Variants in POLG observed in about 807,000 individuals in gnomAD.
POLG encodes the protein DNA polymerase subunit gamma-1.
POLG carries 110 observed loss-of-function variants against 155.4 expected under a neutral mutation model. The ratio of observed to expected loss-of-function variants is 0.71; its 90% CI spans 0.61 to 0.83. POLG has a LOEUF of 0.83. Ranked by LOEUF, POLG falls within the 40% of genes least tolerant of loss-of-function variation. The pLI, the probability that POLG is intolerant of heterozygous loss-of-function variation, is 0.00. For missense variants in POLG, 1,685 were observed against 1,627.5 expected, an observed-to-expected ratio of 1.04 and a Z score of -0.61; for synonymous variants, 701 against 631.5, an observed-to-expected ratio of 1.11 and a Z score of -1.65.
intron 2 of POLG, among the ~76,000 whole-genome samples, chr15:89,332,605 CAGGGGGGCGGGGGG>C (rs2055608014): frequency 2.8e-4 from 1 of 3,560 alleles, no homozygotes; most frequent in Non-Finnish European, 5.8e-4. Flanking sequence ...CCGGCGGGGG[CAGGGGGGCGGGGGG>C]GTGTTGGTCT....
intron 3 of POLG, 59 bp downstream of exon 3, chr15:89,330,020 TGA>T (rs2055573474): frequency 7.3e-7 from 1 of 1,372,874 alleles, no homozygotes; most frequent in Admixed American, 1.7e-5. Context: ...CCCTAACCAC[TGA>T]GATTAGGGCT....
chr15:89,327,412 T>C, intron 6 of POLG, 63 bp from the exon 7 acceptor site: 1 of 1,510,270 alleles, frequency 6.6e-7, no homozygotes, highest in Non-Finnish European at 9.1e-7. Context: ...GCCCAATCCC[T>C]GAGCTGGTTT....
chr15:89,319,319 C>T lies in POLG; in HGVS notation c.3013G>A (p.Val1005Met). ...TCCACTGGGAGGTTCAACTCCCTCA[C>T]CAGCCACTCGCCCTCATCCGACAGC... ...YRLSDEGEWL[V>M]RELNLPVDRT... Residue 1005 changes from valine to methionine, a missense_variant, in exon 19 of 23, where the codon GTG becomes ATG. Physicochemically the swap from Val to Met is conservative, Grantham distance 21 (BLOSUM62 1). This residue lies in a region of POLG where 470 missense variants were observed against 439.9 expected (regional missense o/e 1.07). Coordinates refer to ENST00000268124, the MANE Select transcript of POLG (RefSeq NM_002693.3). 6.2e-7 allele frequency: 1 copy of T among 1,614,186 alleles called. No homozygotes were observed. The highest frequency in any genetic ancestry group is 8.5e-7 in the Non-Finnish European group (1 of 1,180,018).
At position 89,322,749 on chromosome 15, in the gene POLG, G is replaced by T; in HGVS notation, c.2419C>A (p.Arg807Ser). ...CCTCCCATGGTGGCCCACCTGATAC[G>T]TTTATGGGCGTTCCTCCAGAAAGAA... is the stretch of plus-strand genomic sequence containing the variant. Reference protein sequence around the residue: ...MISFWRNAHKRISSQMVVWLP... With the variant: ...MISFWRNAHKSISSQMVVWLP... Residue 807 changes from arginine to serine, a missense_variant, in exon 14 of 23, where the codon CGT becomes AGT. Arg to Ser is a moderately radical substitution (Grantham distance 110). Around this residue, in one of 3 missense-constraint regions of POLG, gnomAD observed 1,210 missense variants for 1,167.1 expected, o/e 1.04. Transcript: ENST00000268124. The T allele has an allele frequency of 6.2e-7, 1 of 1,613,974 alleles. No homozygotes were observed.
chr15:89,317,363 G>A lies in POLG; in HGVS notation c.3643+13C>T. On this transcript the variant is annotated intron_variant, in intron 22 of 22. Transcript: ENST00000268124. ...ATCCTATGTGTAATGAGGAACAAAT[G>A]TGTTGTGCTCACCCTGGGGAATCCC... 6.2e-6 allele frequency: 10 copies of A among 1,613,398 alleles called. No homozygotes were observed. Among genetic ancestry groups the A allele is most frequent in the Non-Finnish European group, 8.5e-6 (10 of 1,179,374 alleles).
chr15:89,325,239 T>TGAGTGAGA (rs2055491316), intron 10 of POLG, among the ~76,000 whole-genome samples: 1 of 80,532 alleles, frequency 1.2e-5, no homozygotes. Context: ...AGTGAGAGAG[T>TGAGTGAGA]GAGTGAGTGA....
rs2055634212 is a variant in POLG, at chr15:89,333,864, T to C, written c.-110A>G. 1 of 1,308,336 alleles carries C rather than the reference T, an allele frequency of 7.6e-7. No individual in the cohort carries two copies. Among genetic ancestry groups the C allele is most frequent in the Admixed American group, 2.0e-5 (1 of 49,452 alleles). The allele number at this position is 1,308,336 out of a possible 1,614,324, so 81.0% of individuals were successfully genotyped here. On this transcript the variant is annotated 5_prime_UTR_variant, in exon 2 of 23. Transcript: ENST00000268124. Reference sequence around the variant, plus strand: ...GGAGAGAGACACGTCCTGTCTCTGCTCTCCTGTCAGTGAAATGGGTTTGAC... The same window carrying C: ...GGAGAGAGACACGTCCTGTCTCTGCCCTCCTGTCAGTGAAATGGGTTTGAC...
intron 10 of POLG, among the ~76,000 whole-genome samples, chr15:89,324,841 A>C (rs928978486): frequency 1.3e-5 from 2 of 152,198 alleles, no homozygotes; most frequent in Non-Finnish European, 2.9e-5. Context: ...CAAATTATAT[A>C]CACACACTTT....
Position 89,325,671 on chromosome 15 carries a change from G to C in POLG, c.1728C>G (p.Leu576=), listed in dbSNP as rs763204640. The change falls in exon 10 of 23, where the codon CTC becomes CTG. Residue 576 remains leucine, a synonymous_variant. Transcript: ENST00000268124. The part of the protein sequence containing the change: ...LPGHPGWYRK[L]CPRLDDPAWT... ...ATGCAGGGTCGTCTAGCCGGGGGCA[G>C]AGCTTCCGGTACCATCTACGTCCCA... is the stretch of plus-strand genomic sequence containing the variant. 5.0e-6 allele frequency: 8 copies of C among 1,607,998 alleles called. No individual in the cohort carries two copies. In the African/African-American group the frequency reaches 1.1e-4, roughly 21 times the overall value.
chr15:89,325,085 A>AGAAAGAGAGAGAGT (rs2055464218), intron 10 of POLG, among the ~76,000 whole-genome samples: 1 of 77,676 alleles, frequency 1.3e-5, no homozygotes, highest in African/African-American at 8.7e-5. Context: ...AGTGAGTGAG[A>AGAAAGAGAGAGAGT]GAGTGAGTGA....
chr15:89,317,592 C>G, intron 21 of POLG, 56 bp from the exon 22 acceptor site: 1 of 1,554,508 alleles, frequency 6.4e-7, no homozygotes, highest in Non-Finnish European at 8.9e-7. Flanking sequence ...ACAGATGCAT[C>G]ACTCCTGGAG....
intron 12 of POLG, 122 bp downstream of exon 12, chr15:89,323,693 A>G: frequency 1.1e-6 from 1 of 898,742 alleles, no homozygotes; most frequent in South Asian, 1.3e-5. Context: ...TCCCAGGGGC[A>G]GGGTGGCATC....
In POLG at chr15:89,333,862, G is replaced by A; in HGVS notation, c.-108C>T. 2 of 1,308,206 alleles carry A rather than the reference G, an allele frequency of 1.5e-6. No homozygotes were observed. The highest frequency in any genetic ancestry group is 2.1e-6 in the Non-Finnish European group (2 of 943,246). The allele number at this position is 1,308,206 out of a possible 1,614,324, so 81.0% of individuals were successfully genotyped here. A position where few individuals can be genotyped will look rare whatever the true frequency, so the allele number is the denominator to read the frequency against. ...GTGGAGAGAGACACGTCCTGTCTCT[G>A]CTCTCCTGTCAGTGAAATGGGTTTG... On this transcript the variant is annotated 5_prime_UTR_variant, in exon 2 of 23. It introduces an in-frame stop codon into an upstream open reading frame of the 5' UTR. Transcript: ENST00000268124.
At position 89,317,384 on chromosome 15, in the gene POLG, A is replaced by G; in HGVS notation, c.3635T>C (p.Ile1212Thr). The G allele has an allele frequency of 6.2e-7, 1 of 1,614,086 alleles. No individual in the cohort carries two copies. Among genetic ancestry groups the G allele is most frequent in the Non-Finnish European group, 8.5e-7 (1 of 1,179,948 alleles). ...NPTGMERRYG[I>T]PQGEALDIYQ... is the part of the protein sequence containing the mutation. ...AAATGTGTTGTGCTCACCCTGGGGA[A>G]TCCCGTATCTCCTTTCCATCCCAGT... The change falls in exon 22 of 23, where the codon ATT (isoleucine) becomes ACT (threonine). Residue 1212 changes from isoleucine to threonine, a missense_variant. By Grantham distance (89) the Ile-to-Thr change is moderately conservative (BLOSUM62 -1). Around this residue, in one of 3 missense-constraint regions of POLG, gnomAD observed 470 missense variants for 439.9 expected, o/e 1.07. Coordinates refer to ENST00000268124, the MANE Select transcript of POLG (RefSeq NM_002693.3).
In POLG at chr15:89,317,544, A is replaced by G; in HGVS notation, c.3483-8T>C. 6.2e-7 allele frequency: 1 copy of G among 1,613,900 alleles called. No homozygotes were observed. The highest frequency in any genetic ancestry group is 8.5e-7 in the Non-Finnish European group (1 of 1,179,844). On this transcript the variant is annotated splice_region_variant and splice_polypyrimidine_tract_variant and intron_variant, in intron 21 of 22. Transcript: ENST00000268124. ...TTGTAGGCAAACATGCACCTGAAAG[A>G]GACCCAATCTACTCTCACAGTCATG...
chr15:89,330,307 C>G (rs2055577726), intron 2 of POLG, 31 bp from the exon 3 acceptor site: 2 of 1,558,958 alleles, frequency 1.3e-6, no homozygotes, highest in Non-Finnish European at 1.8e-6. Context: ...GCAGGTTCAC[C>G]ATGGAGACAT....
In POLG at chr15:89,327,262, T is replaced by C; in HGVS notation, c.1338A>G (p.Ala446=). The C allele has an allele frequency of 6.2e-7, 1 of 1,614,204 alleles. No homozygotes were observed. The highest frequency in any genetic ancestry group is 8.5e-7 in the Non-Finnish European group (1 of 1,180,014). The change falls in exon 7 of 23, where the codon GCA becomes GCG. Residue 446 remains alanine, a synonymous_variant. Coordinates refer to ENST00000268124, the MANE Select transcript of POLG (RefSeq NM_002693.3). The stretch of plus-strand genomic sequence containing the variant: ...GCTCCTCATAAGTGCCCTGTGCCTC[T>C]GCCAGGTAACGCTCCCAGTTCTGGT... ...PVNQNWERYL[A]EAQGTYEELQ...
chr15:89,319,452 C>G, intron 18 of POLG, 102 bp from the exon 19 acceptor site: 2 of 1,487,778 alleles, frequency 1.3e-6, no homozygotes, highest in South Asian at 2.3e-5. Context: ...TTTAAAAACA[C>G]TGACATCATG....
In POLG at chr15:89,318,608, A is replaced by C. The variant is rs1223325480; in HGVS notation, c.3415T>G (p.Tyr1139Asp). The C allele has an allele frequency of 6.2e-7, 1 of 1,614,082 alleles. No homozygotes were observed. The highest frequency in any genetic ancestry group is 8.5e-7 in the Non-Finnish European group (1 of 1,180,030). Reference sequence around the variant, plus strand: ...TAGCGGTCCTCCTCCCGCACCAGGTAGCGAACCTCGTCATGGATGCTGATG... The same window carrying C: ...TAGCGGTCCTCCTCCCGCACCAGGTCGCGAACCTCGTCATGGATGCTGATG... ...FCISIHDEVRYLVREEDRYRA... is the reference protein window; with the variant it reads ...FCISIHDEVRDLVREEDRYRA... The change falls in exon 21 of 23, where the codon TAC becomes GAC. Residue 1139 changes from tyrosine (Y) to aspartate (D), a missense_variant. By Grantham distance (160) the Tyr-to-Asp change is radical. Around this residue, in one of 3 missense-constraint regions of POLG, gnomAD observed 470 missense variants for 439.9 expected, o/e 1.07. Coordinates refer to ENST00000268124, the MANE Select transcript of POLG (RefSeq NM_002693.3).
Sources: allele counts gnomAD v4.1 joint callset (sites outside exome capture counted in the v4.1 genomes callset), GRCh38; gene constraint gnomAD v4.1.1; regional missense constraint gnomAD v4.1.1; transcripts MANE v1.5; gene names NCBI Gene and HGNC (gene_info 2026-07-23, HGNC 2026-07-21).